FLI1: variants seen among roughly 807,000 people sequenced by gnomAD.
The protein encoded by FLI1 is Friend leukemia integration 1 transcription factor.
A neutral mutation model predicts 53.1 loss-of-function variants in FLI1; 13 were observed. The ratio of observed to expected loss-of-function variants is 0.24; its 90% CI spans 0.16 to 0.39. FLI1 has a LOEUF of 0.39. FLI1 is among the 10% of genes least tolerant of loss of function. The probability of loss-of-function intolerance (pLI) is 1.00; values close to 1 mark genes in which losing one functional copy is unlikely to be tolerated. For missense variants in FLI1, 424 were observed against 600.5 expected (o/e 0.71, Z 3.07); for synonymous variants, 244 against 236.7 (o/e 1.03, Z -0.28).
At position 128,810,909 on chromosome 11, in the gene FLI1, C is replaced by A. The variant is rs531254948; in HGVS notation, c.1280C>A (p.Thr427Lys). ...GCATCACAATACTGGACCTCCCCCA[C>A]GGGGGGAATCTACCCCAACCCCAAC... ...GAASQYWTSP[T>K]GGIYPNPNVP... Residue 427 changes from threonine to lysine, a missense_variant, in exon 9 of 9, where the codon ACG becomes AAG. Thr to Lys is a moderately conservative substitution (Grantham distance 78). Around this residue, in one of 5 missense-constraint regions of FLI1, gnomAD observed 87 missense variants for 100.0 expected, o/e 0.87. Coordinates refer to ENST00000527786, the MANE Select transcript of FLI1 (RefSeq NM_002017.5). This position sits in a 1 kb window ranked among gnomAD's most constrained non-coding sequence, Gnocchi z 6.6. 1.9e-6 allele frequency: 3 copies of A among 1,613,560 alleles called. No homozygotes were observed. The highest frequency in any genetic ancestry group is 2.5e-6 in the Non-Finnish European group (3 of 1,179,580).
At chr11:128,792,991 T>G (rs1942321974) in intron 5 of FLI1, among the ~76,000 whole-genome samples, 1 of 151,654 alleles carries the variant, frequency 6.6e-6, no homozygotes, top group Non-Finnish European at 1.5e-5. Flanking sequence ...AGTGGTGTGT[T>G]CCTATAGTCC....
At chr11:128,749,441 C>T (rs1940551571) in intron 1 of FLI1, among the ~76,000 whole-genome samples, 1 of 152,192 alleles carries the variant, frequency 6.6e-6, no homozygotes, top group Non-Finnish European at 1.5e-5. Context: ...TACGGTTGCT[C>T]AGCTTGGGCT....
intron 3 of FLI1, among the ~76,000 whole-genome samples, chr11:128,770,891 T>G (rs1308988225): frequency 6.6e-6 from 1 of 152,202 alleles, no homozygotes; most frequent in South Asian, 2.1e-4. Context: ...GAAGACATAC[T>G]TGTACAATGA....
chr11:128,773,461 C>T (rs1403669152), intron 4 of FLI1, among the ~76,000 whole-genome samples: 1 of 151,934 alleles, frequency 6.6e-6, no homozygotes, highest in Non-Finnish European at 1.5e-5. Context: ...CCCCATTTGA[C>T]AGGGCTGCTA....
At chr11:128,788,872 A>T (rs903171267) in intron 5 of FLI1, among the ~76,000 whole-genome samples, 2 of 152,184 alleles carry the variant, frequency 1.3e-5, no homozygotes, top group Admixed American at 1.3e-4. Context: ...GAGCCCTAAA[A>T]CCATGGTGAA....
chr11:128,687,241 T>A (rs572871749), intron 1 of FLI1, among the ~76,000 whole-genome samples: 23 of 151,936 alleles, frequency 1.5e-4, no homozygotes, highest in Non-Finnish European at 2.6e-4. Context: ...CAGATTGCTA[T>A]ATTTGACAGC....
In FLI1 at chr11:128,758,212, G is replaced by A. The variant is rs1940970896; in HGVS notation, c.116G>A (p.Ser39Asn). ...AAGGCCGACATGACTGCCTCGGGGA[G>A]TCCTGACTACGGGCAGCCCCACAAG... ...LPKADMTASG[S>N]PDYGQPHKIN... is the part of the protein sequence containing the mutation. Residue 39 changes from serine (S) to asparagine (N), a missense_variant, in exon 2 of 9, where the codon AGT becomes AAT. Coordinates refer to ENST00000527786, the MANE Select transcript of FLI1 (RefSeq NM_002017.5). 2 of 1,613,400 alleles carry A rather than the reference G, an allele frequency of 1.2e-6. No individual in the cohort carries two copies. Among genetic ancestry groups the A allele is most frequent in the African/African-American group, 1.3e-5 (1 of 74,992 alleles).
At chr11:128,747,638 C>T (rs1231848112) in intron 1 of FLI1, among the ~76,000 whole-genome samples, 1 of 152,244 alleles carries the variant, frequency 6.6e-6, no homozygotes, top group African/African-American at 2.4e-5. Context: ...CCCTTTGATA[C>T]TGTGGGACCT....
intron 1 of FLI1, among the ~76,000 whole-genome samples, chr11:128,687,320 C>G (rs898541428): frequency 6.6e-6 from 1 of 151,930 alleles, no homozygotes; most frequent in African/African-American, 2.4e-5. Context: ...CAAACTGAAG[C>G]TGGGACACCT....
intron 1 of FLI1, among the ~76,000 whole-genome samples, chr11:128,687,686 C>G (rs1279281103): frequency 1.3e-5 from 2 of 152,142 alleles, no homozygotes; most frequent in Non-Finnish European, 2.9e-5. Context: ...TGATGGGATG[C>G]AGACTCTCGG....
At chr11:128,805,457 G>T in intron 6 of FLI1, 26 bp downstream of exon 6, 3 of 1,420,590 alleles carry the variant, frequency 2.1e-6, no homozygotes, top group African/African-American at 2.8e-5. Context: ...ATAGTTCTTT[G>T]GAGGAAAGCA....
chr11:128,810,109 A>G lies in FLI1; in HGVS notation c.830-350A>G, dbSNP rs1187333594. 6.6e-6 allele frequency among the ~76,000 whole-genome samples: 1 copy of G among 152,008 alleles called. No homozygotes were observed. Among genetic ancestry groups the G allele is most frequent in the Non-Finnish European group, 1.5e-5 (1 of 67,982 alleles). ...ATCAGTCAGTGATTCAGGCCTTTCT[A>G]GATGAAGAGATTCAAAAGCCTTGCC... On this transcript the variant is annotated intron_variant, in intron 8 of 8. Transcript: ENST00000527786. This position sits in a 1 kb window ranked among gnomAD's most constrained non-coding sequence, Gnocchi z 6.6.
chr11:128,756,932 G>A (rs1230848745), intron 1 of FLI1, among the ~76,000 whole-genome samples: 1 of 152,176 alleles, frequency 6.6e-6, no homozygotes, highest in African/African-American at 2.4e-5. Context: ...CGCCCAGGCT[G>A]AATGCAATGG....
At chr11:128,703,297 C>A (rs1006152851) in intron 1 of FLI1, among the ~76,000 whole-genome samples, 1 of 152,128 alleles carries the variant, frequency 6.6e-6, no homozygotes, top group African/African-American at 2.4e-5. Context: ...ACTATTTACA[C>A]AAATTTGATA....
At chr11:128,710,344 T>C (rs962968236) in intron 1 of FLI1, among the ~76,000 whole-genome samples, 1 of 152,208 alleles carries the variant, frequency 6.6e-6, no homozygotes, top group Admixed American at 6.5e-5. Flanking sequence ...GCAATCTTTT[T>C]ATTGAACGCA....
At chr11:128,691,873 G>C (rs1937752451), upstream of FLI1, 1 of 152,290 alleles carries the variant, frequency 6.6e-6, no homozygotes, top group South Asian at 2.1e-4. Context: ...GTCTGCCACA[G>C]AGGGACCCTC....
chr11:128,810,743 C>T lies in FLI1; in HGVS notation c.1114C>T (p.His372Tyr), dbSNP rs1942916031. Residue 372 changes from histidine to tyrosine, a missense_variant, in exon 9 of 9, where the codon CAT becomes TAT. His to Tyr is a moderately conservative substitution (Grantham distance 83). This residue lies in a region of FLI1 where 71 missense variants were observed against 174.2 expected (regional missense o/e 0.41). Transcript: ENST00000527786. This position sits in a 1 kb window ranked among gnomAD's most constrained non-coding sequence, Gnocchi z 6.6. ...CGGCATTGCCCAGGCTCTGCAGCCA[C>T]ATCCGACCGAGTCGTCCATGTACAA... is the stretch of plus-strand genomic sequence containing the variant. ...FHGIAQALQP[H>Y]PTESSMYKYP... is the part of the protein sequence containing the mutation. The T allele has an allele frequency of 6.2e-7, 1 of 1,613,978 alleles. No homozygotes were observed. The highest frequency in any genetic ancestry group is 1.3e-5 in the African/African-American group (1 of 74,962).
At chr11:128,738,728 G>T (rs1052905226) in intron 1 of FLI1, among the ~76,000 whole-genome samples, 2 of 152,232 alleles carry the variant, frequency 1.3e-5, no homozygotes, top group African/African-American at 4.8e-5. Context: ...AGAGCGCTTT[G>T]GAAAGGAGAA....
intron 5 of FLI1, among the ~76,000 whole-genome samples, chr11:128,786,884 C>T (rs1330927200): frequency 6.6e-6 from 1 of 152,194 alleles, no homozygotes; most frequent in South Asian, 2.1e-4. Context: ...ACTCATCAAC[C>T]GGCCAAGGGC....
Sources: allele counts gnomAD v4.1 joint callset (sites outside exome capture counted in the v4.1 genomes callset), GRCh38; gene constraint gnomAD v4.1.1; regional missense constraint gnomAD v4.1.1; non-coding constraint Gnocchi (gnomAD v3.1); transcripts MANE v1.5; gene names NCBI Gene and HGNC (gene_info 2026-07-23, HGNC 2026-07-21).